Variants in FLRT1 observed in about 807,000 individuals in gnomAD.
The protein encoded by FLRT1 is leucine-rich repeat transmembrane protein FLRT1.
In FLRT1, 14 loss-of-function variants were observed where a neutral mutation model predicts 30.9. The observed-to-expected ratio is 0.45, with a 90% CI of 0.30 to 0.71. The LOEUF (loss-of-function observed/expected upper bound fraction) is 0.71, where lower values mean the gene tolerates loss of function less well. Ranked by LOEUF, FLRT1 falls within the 30% of genes least tolerant of loss-of-function variation. The pLI is 0.08. For synonymous variants in FLRT1, 368 were observed against 430.4 expected (o/e 0.85, Z 1.80); for missense variants, 737 against 949.2 (o/e 0.78, Z 2.94).
chr11:64,100,174 G>A (rs1254171918), intron 1 of FLRT1, among the ~76,000 whole-genome samples: 2 of 152,194 alleles, frequency 1.3e-5, no homozygotes, highest in African/African-American at 2.4e-5. Context: ...AGGGAAGATG[G>A]CAAGGCAGAA....
At chr11:64,061,496 A>T (rs1943903000) in intron 1 of FLRT1, among the ~76,000 whole-genome samples, 1 of 152,088 alleles carries the variant, frequency 6.6e-6, no homozygotes, top group African/African-American at 2.4e-5. Flanking sequence ...CGCAGTCCCC[A>T]GGCAGCTCCT....
chr11:64,076,097 T>C (rs988510447), intron 1 of FLRT1, among the ~76,000 whole-genome samples: 19 of 152,140 alleles, frequency 1.2e-4, no homozygotes, highest in African/African-American at 4.6e-4. Context: ...GCCAGAGGCC[T>C]CTCCCTCAAG....
chr11:64,041,343 C>T (rs1472732129), intron 1 of FLRT1, among the ~76,000 whole-genome samples: 1 of 152,048 alleles, frequency 6.6e-6, no homozygotes, highest in Non-Finnish European at 1.5e-5. Context: ...TGCCCCCCAC[C>T]CCTCCACCCC....
At chr11:64,105,125 A>AGATGCCC (rs1281368739) in intron 2 of FLRT1, among the ~76,000 whole-genome samples, 2 of 152,248 alleles carry the variant, frequency 1.3e-5, no homozygotes, top group Non-Finnish European at 2.9e-5. Flanking sequence ...CCGGTGTGAA[A>AGATGCCC]GATGCCCTGC....
chr11:64,046,940 C>T (rs760879761), intron 1 of FLRT1, among the ~76,000 whole-genome samples: 5 of 152,218 alleles, frequency 3.3e-5, no homozygotes, highest in African/African-American at 4.8e-5. Context: ...AGCTCTGAGA[C>T]CATCAGTGGC....
At position 64,118,495 on chromosome 11, in the gene FLRT1, G is replaced by A. The variant is rs1945038409; in HGVS notation, c.*203G>A. 1 of 511,274 alleles carries A rather than the reference G, an allele frequency of 2.0e-6. No homozygotes were observed. The highest frequency in any genetic ancestry group is 3.4e-6 in the Non-Finnish European group (1 of 296,460). 31.7% of individuals were successfully genotyped at this position (511,274 alleles called of 1,614,324 possible). On this transcript the variant is annotated 3_prime_UTR_variant, in exon 3 of 3. Coordinates refer to ENST00000682287, the MANE Select transcript of FLRT1 (RefSeq NM_013280.5). ...TTTTTTTTAAAAGAATAGAAGGCAG[G>A]AGGGGGAATTCGACATTGTTGAAGA...
intron 1 of FLRT1, among the ~76,000 whole-genome samples, chr11:64,093,872 T>A (rs1251408121): frequency 1.3e-5 from 2 of 152,238 alleles, no homozygotes; most frequent in Non-Finnish European, 2.9e-5. Context: ...TAATACAGCC[T>A]GTGCAGCAAC....
intron 1 of FLRT1, among the ~76,000 whole-genome samples, chr11:64,044,251 C>CTTTTT (rs34174027): frequency 2.8e-5 from 4 of 140,414 alleles, no homozygotes; most frequent in Admixed American, 1.4e-4. Context: ...CCCCCAACAA[C>CTTTTT]TTTTTTTTTT....
intron 1 of FLRT1, among the ~76,000 whole-genome samples, chr11:64,057,354 C>T (rs1456376032): frequency 1.3e-5 from 2 of 152,186 alleles, no homozygotes; most frequent in Non-Finnish European, 2.9e-5. Flanking sequence ...AGCTCTTGCT[C>T]GGTGAACAGT....
intron 1 of FLRT1, among the ~76,000 whole-genome samples, chr11:64,088,571 C>A (rs1347037142): frequency 6.6e-6 from 1 of 151,960 alleles, no homozygotes; most frequent in Non-Finnish European, 1.5e-5. Flanking sequence ...GTGTGTTTCT[C>A]CTGGCCTGGA....
intron 2 of FLRT1, among the ~76,000 whole-genome samples, chr11:64,115,691 T>G (rs1000621433): frequency 4.6e-5 from 7 of 152,204 alleles, no homozygotes; most frequent in African/African-American, 1.7e-4. Flanking sequence ...CTCCTGGGCC[T>G]TCCAGCAACA....
chr11:64,057,780 G>T (rs918268881), intron 1 of FLRT1, among the ~76,000 whole-genome samples: 1 of 152,224 alleles, frequency 6.6e-6, no homozygotes, highest in Non-Finnish European at 1.5e-5. Flanking sequence ...CTTGTTGAGC[G>T]CTTACTCTGT....
intron 1 of FLRT1, among the ~76,000 whole-genome samples, chr11:64,094,247 G>A (rs898568099): frequency 1.3e-5 from 2 of 152,122 alleles, no homozygotes; most frequent in Admixed American, 6.6e-5. Flanking sequence ...CCTGGAAGAC[G>A]GTAAAACCAC....
chr11:64,114,801 G>A (rs1476968550), intron 2 of FLRT1, among the ~76,000 whole-genome samples: 1 of 152,156 alleles, frequency 6.6e-6, no homozygotes, highest in Non-Finnish European at 1.5e-5. Flanking sequence ...ATGGTAGGTG[G>A]GTGGACAGAT....
At chr11:64,039,723 G>A (rs1002224637) in intron 1 of FLRT1, among the ~76,000 whole-genome samples, 15 of 152,172 alleles carry the variant, frequency 9.9e-5, no homozygotes, top group Non-Finnish European at 1.5e-4. Flanking sequence ...ACCATCGCTC[G>A]AGGCCCCCAG....
At position 64,082,224 on chromosome 11, in the gene FLRT1, G is replaced by C. The variant is rs1488673996; in HGVS notation, c.-1037-20970G>C. ...ACATCCCTTAAATATTGGTGCTCTC[G>C]GCAGCACTGGGCCCCTGCTTAGCAG... On this transcript the variant is annotated intron_variant, in intron 1 of 2. Transcript: ENST00000682287. This position sits in a 1 kb window ranked among gnomAD's most constrained non-coding sequence, Gnocchi z 4.5. Among the ~76,000 whole-genome samples the C allele has an allele frequency of 6.6e-6, 1 of 152,142 alleles. No individual in the cohort carries two copies. The highest frequency in any genetic ancestry group is 6.5e-5 in the Admixed American group (1 of 15,276).
intron 1 of FLRT1, among the ~76,000 whole-genome samples, chr11:64,051,283 C>T (rs1943689342): frequency 6.6e-6 from 1 of 152,198 alleles, no homozygotes; most frequent in African/African-American, 2.4e-5. Flanking sequence ...GGGGCTGGTC[C>T]CTCTTTTGAA....
At chr11:64,044,026 G>A (rs969614223) in intron 1 of FLRT1, among the ~76,000 whole-genome samples, 2 of 151,936 alleles carry the variant, frequency 1.3e-5, no homozygotes, top group Non-Finnish European at 2.9e-5. Context: ...TGTTAGGCAG[G>A]ATGGTCTCGA....
chr11:64,044,015 A>G (rs896195067), intron 1 of FLRT1, among the ~76,000 whole-genome samples: 3 of 151,996 alleles, frequency 2.0e-5, no homozygotes, highest in African/African-American at 7.3e-5. Context: ...GGGATTCACC[A>G]TGTTAGGCAG....
Sources: gnomAD v4.1 joint callset for allele counts (sites outside exome capture counted in the v4.1 genomes callset) on GRCh38, gnomAD v4.1.1 for gene constraint, Gnocchi (gnomAD v3.1) non-coding constraint, MANE v1.5 for transcripts, NCBI Gene and HGNC (gene_info 2026-07-23, HGNC 2026-07-21) for gene names.